CCDC15: variants seen among roughly 807,000 people sequenced by gnomAD.
CCDC15 encodes coiled-coil domain containing 15.
A neutral mutation model predicts 114.5 loss-of-function variants in CCDC15; 105 were observed. That is an observed-to-expected ratio of 0.92 (90% CI 0.78 to 1.08). CCDC15 has a LOEUF of 1.08. Ranked by LOEUF, CCDC15 falls within the 50% of genes least tolerant of loss-of-function variation. CCDC15 has a pLI of 0.00. For synonymous variants in CCDC15, 334 were observed against 377.8 expected, an observed-to-expected ratio of 0.88 and a Z score of 1.34; for missense variants, 1,105 against 1,093.6, an observed-to-expected ratio of 1.01 and a Z score of -0.15.
chr11:124,985,849 A>G (rs1195197332), intron 6 of CCDC15, among the ~76,000 whole-genome samples: 1 of 151,890 alleles, frequency 6.6e-6, no homozygotes, highest in Non-Finnish European at 1.5e-5. Flanking sequence ...AGTATTGTTT[A>G]TGGCATAAGA....
chr11:124,957,190 T>A (rs150971198), intron 2 of CCDC15, among the ~76,000 whole-genome samples: 570 of 152,314 alleles, frequency 3.7e-3, no homozygotes, highest in Non-Finnish European at 5.8e-3. Context: ...CCCCATAGTG[T>A]CTGGGACCTC....
At chr11:125,024,966 T>A (rs1219009977) in intron 13 of CCDC15, among the ~76,000 whole-genome samples, 1 of 147,022 alleles carries the variant, frequency 6.8e-6, no homozygotes, top group East Asian at 1.9e-4. Flanking sequence ...AGAATTTTTT[T>A]TATCAAGAAT....
intron 6 of CCDC15, 125 bp downstream of exon 6, chr11:124,977,725 A>T: frequency 4.3e-6 from 4 of 927,002 alleles, no homozygotes; most frequent in Non-Finnish European, 6.0e-6. Context: ...TTGAGATATA[A>T]TTCATATACC....
intron 8 of CCDC15, among the ~76,000 whole-genome samples, chr11:124,989,015 GT>G (rs1314889974): frequency 6.6e-6 from 1 of 152,166 alleles, no homozygotes; most frequent in African/African-American, 2.4e-5. Context: ...ATTCATGAAT[GT>G]TCTTAATGGC....
intron 13 of CCDC15, among the ~76,000 whole-genome samples, chr11:125,035,100 G>C (rs1247613578): frequency 6.6e-6 from 1 of 152,108 alleles, no homozygotes; most frequent in African/African-American, 2.4e-5. Flanking sequence ...AAAGATGTAG[G>C]CTGGGAGGCT....
At chr11:124,959,731 ATCTTCTG>A in intron 3 of CCDC15, 77 bp from the exon 4 acceptor site, 35 of 920,246 alleles carry the variant, frequency 3.8e-5, no homozygotes, top group Non-Finnish European at 4.4e-5. Flanking sequence ...CCAATTTAAA[ATCTTCTG>A]AACTGCTTTA....
chr11:124,968,026 C>G (rs1947813302), intron 4 of CCDC15, among the ~76,000 whole-genome samples: 1 of 152,152 alleles, frequency 6.6e-6, no homozygotes. Context: ...CCTCTGGAAG[C>G]TTCGTCTCAG....
intron 13 of CCDC15, among the ~76,000 whole-genome samples, chr11:125,030,809 G>T (rs1047708766): frequency 3.3e-5 from 5 of 152,180 alleles, no homozygotes; most frequent in African/African-American, 9.7e-5. Context: ...GGGCCCATTG[G>T]GTGATGATAG....
intron 13 of CCDC15, among the ~76,000 whole-genome samples, chr11:125,005,481 G>C (rs1351789111): frequency 6.6e-6 from 1 of 152,022 alleles, no homozygotes; most frequent in Non-Finnish European, 1.5e-5. Context: ...CCCCACAAAT[G>C]CGTAGCCTCT....
chr11:124,957,947 G>A (rs1947578333), intron 2 of CCDC15, among the ~76,000 whole-genome samples: 1 of 152,170 alleles, frequency 6.6e-6, no homozygotes. Context: ...GAGAAAAGCA[G>A]TGTAGAGAGG....
intron 6 of CCDC15, among the ~76,000 whole-genome samples, chr11:124,978,581 A>G (rs1420578078): frequency 6.6e-6 from 1 of 151,978 alleles, no homozygotes. Context: ...TTTGATTTGC[A>G]TTTCTCTAAT....
rs559669979 is a variant in CCDC15, at chr11:125,003,332, T to A, written c.2215-535T>A. Among the ~76,000 whole-genome samples, 3 of 152,080 alleles carry A rather than the reference T, an allele frequency of 2.0e-5. No individual in the cohort carries two copies. In the South Asian group the frequency reaches 6.2e-4, roughly 32 times the overall value. On this transcript the variant is annotated intron_variant, in intron 11 of 15. Coordinates refer to ENST00000344762, the MANE Select transcript of CCDC15 (RefSeq NM_025004.3). ...ATTTCTAAAAGTTGGAGATCATTAT[T>A]TGACCCATGTAATGTCCAAGTAGAT...
At chr11:124,973,265 G>A (rs1437792342) in intron 4 of CCDC15, among the ~76,000 whole-genome samples, 4 of 152,054 alleles carry the variant, frequency 2.6e-5, no homozygotes, top group Non-Finnish European at 5.9e-5. Context: ...TGTTACAATG[G>A]GGATTTTTGA....
At chr11:124,998,502 T>C (rs1948413653) in intron 11 of CCDC15, among the ~76,000 whole-genome samples, 1 of 152,172 alleles carries the variant, frequency 6.6e-6, no homozygotes, top group African/African-American at 2.4e-5. Context: ...TATTATCTTA[T>C]AATAGTTGCT....
At chr11:125,032,145 T>C (rs1948743660) in intron 13 of CCDC15, among the ~76,000 whole-genome samples, 1 of 152,250 alleles carries the variant, frequency 6.6e-6, no homozygotes, top group South Asian at 2.1e-4. Flanking sequence ...CTAATCAGCA[T>C]AATGTCATCA....
chr11:124,979,014 A>G (rs1304284548), intron 6 of CCDC15, among the ~76,000 whole-genome samples: 1 of 152,164 alleles, frequency 6.6e-6, no homozygotes, highest in Non-Finnish European at 1.5e-5. Context: ...TCTTCTGCAT[A>G]TAGCTAGCCA....
chr11:124,987,844 T>C lies in CCDC15; in HGVS notation c.1618T>C (p.Leu540=), dbSNP rs1264656946. 6.2e-7 allele frequency: 1 copy of C among 1,605,952 alleles called. No individual in the cohort carries two copies. Among genetic ancestry groups the C allele is most frequent in the East Asian group, 2.2e-5 (1 of 44,692 alleles). Residue 540 remains leucine (L), a synonymous_variant, in exon 8 of 16, where the codon TTA becomes CTA. Transcript: ENST00000344762. ...QDFLPKDQDF[L]SRDQHVLPKD... is the part of the protein sequence containing the mutation. ...TTTTCTACCTAAAGACCAGGACTTT[T>C]TATCTAGAGACCAGCATGTTCTCCC...
chr11:124,998,143 A>G (rs1948406598), intron 11 of CCDC15, among the ~76,000 whole-genome samples: 1 of 152,192 alleles, frequency 6.6e-6, no homozygotes, highest in African/African-American at 2.4e-5. Context: ...CTAAAGGTGC[A>G]GTGTGGTTTC....
chr11:124,977,955 C>T (rs745753692), intron 6 of CCDC15, among the ~76,000 whole-genome samples: 5 of 152,002 alleles, frequency 3.3e-5, no homozygotes, highest in East Asian at 3.8e-4. Context: ...CAGATTACTT[C>T]GTCACGTGAC....
Sources: allele counts gnomAD v4.1 joint callset (sites outside exome capture counted in the v4.1 genomes callset), GRCh38; gene constraint gnomAD v4.1.1; transcripts MANE v1.5; gene names NCBI Gene and HGNC (gene_info 2026-07-23, HGNC 2026-07-21).